The following STRN3 variants were observed in gnomAD, a reference collection of about 807,000 sequenced individuals.
STRN3 encodes the protein striatin 3.
STRN3 carries 29 observed loss-of-function variants against 95.6 expected under a neutral mutation model. That is an observed-to-expected ratio of 0.30 (90% CI 0.23 to 0.41). STRN3 has a LOEUF of 0.41. Among genes scored for constraint, STRN3 ranks in the 10% least tolerant of loss-of-function variants. The probability of loss-of-function intolerance (pLI) is 1.00; values close to 1 mark genes in which losing one functional copy is unlikely to be tolerated. For missense variants in STRN3, 890 were observed against 972.1 expected, an observed-to-expected ratio of 0.92 and a Z score of 1.12; for synonymous variants, 331 against 357.6, an observed-to-expected ratio of 0.93 and a Z score of 0.84.
chr14:30,923,903 CATT>C (rs1423582171), intron 8 of STRN3, among the ~76,000 whole-genome samples: 1 of 151,978 alleles, frequency 6.6e-6, no homozygotes, highest in East Asian at 1.9e-4. Context: ...GATTTTTAAT[CATT>C]GATTTATATG....
At chr14:30,975,155 A>T (rs1594524387) in intron 1 of STRN3, among the ~76,000 whole-genome samples, 1 of 105,808 alleles carries the variant, frequency 9.5e-6, no homozygotes, top group Non-Finnish European at 2.2e-5. Flanking sequence ...ATATGGAACC[A>T]GCCTAAATGC....
In STRN3 at chr14:31,026,265, G is replaced by A; in HGVS notation, c.-80C>T. On this transcript the variant is annotated 5_prime_UTR_variant, in exon 1 of 18. Transcript: ENST00000357479. Reference sequence around the variant, plus strand: ...GGCCGGAGAGGGTGGCCCCGCGCTGGCTGCGGGGCGGAGGCCGGCCGGGAG... The same window carrying A: ...GGCCGGAGAGGGTGGCCCCGCGCTGACTGCGGGGCGGAGGCCGGCCGGGAG... The A allele has an allele frequency of 7.6e-7, 1 of 1,314,226 alleles. No individual in the cohort carries two copies. The allele number at this position is 1,314,226 out of a possible 1,614,324, so 81.4% of individuals were successfully genotyped here.
At chr14:30,957,122 C>T (rs1879949833) in intron 1 of STRN3, among the ~76,000 whole-genome samples, 1 of 151,792 alleles carries the variant, frequency 6.6e-6, no homozygotes, top group African/African-American at 2.4e-5. Context: ...GGTGCCACTG[C>T]ATTCCAGCCT....
At chr14:30,945,035 T>C (rs557284020) in intron 5 of STRN3, among the ~76,000 whole-genome samples, 4 of 152,358 alleles carry the variant, frequency 2.6e-5, no homozygotes, top group Admixed American at 6.5e-5. Flanking sequence ...TGAACTCATC[T>C]GGTTTTTTCC....
chr14:31,004,808 G>T (rs1216216530), intron 1 of STRN3, among the ~76,000 whole-genome samples: 2 of 151,986 alleles, frequency 1.3e-5, no homozygotes, highest in East Asian at 1.9e-4. Context: ...AATCTTGGGG[G>T]AAAGTGACCA....
chr14:30,973,401 A>G (rs1346782795), intron 1 of STRN3, among the ~76,000 whole-genome samples: 1 of 151,882 alleles, frequency 6.6e-6, no homozygotes, highest in Non-Finnish European at 1.5e-5. Context: ...AGAGAAAGAG[A>G]GAAGGGAGGG....
chr14:30,981,793 T>C (rs1342056126), intron 1 of STRN3, among the ~76,000 whole-genome samples: 4 of 152,128 alleles, frequency 2.6e-5, no homozygotes, highest in Non-Finnish European at 5.9e-5. Flanking sequence ...TTTTCCAATT[T>C]TATTGATAAA....
At chr14:30,985,823 A>G (rs1451229586) in intron 1 of STRN3, among the ~76,000 whole-genome samples, 2 of 152,168 alleles carry the variant, frequency 1.3e-5, no homozygotes, top group Non-Finnish European at 2.9e-5. Context: ...TCTTTTGCTA[A>G]TATCTTAGGC....
At chr14:30,995,832 C>A (rs1007265090) in intron 1 of STRN3, among the ~76,000 whole-genome samples, 1 of 152,078 alleles carries the variant, frequency 6.6e-6, no homozygotes, top group Non-Finnish European at 1.5e-5. Context: ...GCCCCATATC[C>A]CCTTTCAGGA....
chr14:30,996,279 C>T (rs1275481850), intron 1 of STRN3, among the ~76,000 whole-genome samples: 1 of 152,158 alleles, frequency 6.6e-6, no homozygotes, highest in Non-Finnish European at 1.5e-5. Flanking sequence ...ACAATGAGAA[C>T]CCCATCACTG....
At chr14:30,983,500 G>A (rs1337271263) in intron 1 of STRN3, among the ~76,000 whole-genome samples, 2 of 152,362 alleles carry the variant, frequency 1.3e-5, no homozygotes, top group Admixed American at 6.5e-5. Flanking sequence ...AGCCGAGATC[G>A]TGCCACTGCA....
intron 4 of STRN3, among the ~76,000 whole-genome samples, chr14:30,947,864 G>C (rs918612878): frequency 2.6e-5 from 4 of 152,114 alleles, no homozygotes; most frequent in African/African-American, 9.7e-5. Context: ...AGAAGAAAGG[G>C]ACTAGATTAT....
Position 30,984,907 on chromosome 14 carries a change from T to C in STRN3, c.283-28665A>G, listed in dbSNP as rs529015539. 4.6e-5 allele frequency among the ~76,000 whole-genome samples: 7 copies of C among 152,334 alleles called. No homozygotes were observed. In the East Asian group the frequency reaches 1.4e-3, roughly 29 times the overall value. ...TTTAGAAGTAATACATACTTAATGA[T>C]TTGAATAGATGAGGATTAGGCATTT... On this transcript the variant is annotated intron_variant, in intron 1 of 17. Coordinates refer to ENST00000357479, the MANE Select transcript of STRN3 (RefSeq NM_001083893.2).
intron 9 of STRN3, among the ~76,000 whole-genome samples, chr14:30,918,522 GAAA>G (rs5807607): frequency 4.7e-5 from 7 of 148,824 alleles, no homozygotes; most frequent in Admixed American, 2.0e-4. Flanking sequence ...GAAAAAAAAA[GAAA>G]AAAAAAAAGG....
At chr14:30,972,328 GA>G (rs1474505737) in intron 1 of STRN3, among the ~76,000 whole-genome samples, 1 of 151,998 alleles carries the variant, frequency 6.6e-6, no homozygotes, top group African/African-American at 2.4e-5. Context: ...TAGCCAATCG[GA>G]ATTAGTTTAG....
chr14:31,000,266 TC>T (rs1181860764), intron 1 of STRN3, among the ~76,000 whole-genome samples: 5 of 148,216 alleles, frequency 3.4e-5, no homozygotes, highest in Non-Finnish European at 7.4e-5. Flanking sequence ...CGGGGGGGAG[TC>T]TTTTTTTCTT....
At chr14:30,918,719 C>T (rs1303810604) in intron 9 of STRN3, among the ~76,000 whole-genome samples, 1 of 152,024 alleles carries the variant, frequency 6.6e-6, no homozygotes, top group Non-Finnish European at 1.5e-5. Context: ...TAAGAAAAGA[C>T]TCTGAATTCA....
At chr14:30,978,623 G>C (rs1182540576) in intron 1 of STRN3, among the ~76,000 whole-genome samples, 1 of 152,194 alleles carries the variant, frequency 6.6e-6, no homozygotes, top group Non-Finnish European at 1.5e-5. Context: ...TAATGCAAGA[G>C]ATGAGAAAAG....
intron 10 of STRN3, 126 bp from the exon 11 acceptor site, chr14:30,912,308 G>A: frequency 4.8e-6 from 4 of 832,108 alleles, no homozygotes; most frequent in South Asian, 5.9e-5. Flanking sequence ...AATGTCCAGT[G>A]GAAATTTAAT....
Sources: gnomAD v4.1 joint callset for allele counts (sites outside exome capture counted in the v4.1 genomes callset) on GRCh38, gnomAD v4.1.1 for gene constraint, MANE v1.5 for transcripts, NCBI Gene and HGNC (gene_info 2026-07-23, HGNC 2026-07-21) for gene names.